Variants in CASK observed in about 807,000 individuals in gnomAD.
The protein encoded by CASK is calcium/calmodulin dependent serine protein kinase.
Under a neutral mutation model 82.9 loss-of-function variants are expected in CASK, and 4 were observed. The observed-to-expected ratio is 0.05, with a 90% CI of 0.02 to 0.11. The LOEUF is 0.11. CASK is among the 10% of genes least tolerant of loss of function. The pLI is 1.00. For missense variants in CASK, 358 were observed against 720.9 expected, an observed-to-expected ratio of 0.50 and a Z score of 5.76; for synonymous variants, 259 against 253.5, an observed-to-expected ratio of 1.02 and a Z score of -0.20.
At chrX:41,702,952 G>A (rs757483636) in intron 5 of CASK, among the ~76,000 whole-genome samples, 20 of 112,032 alleles carry the variant, frequency 1.8e-4, no homozygotes, top group Non-Finnish European at 3.6e-4. Flanking sequence ...TCAAATTAGA[G>A]CATCCTACCC....
At chrX:41,895,176 C>T (rs1441453351) in intron 1 of CASK, among the ~76,000 whole-genome samples, 2 of 111,296 alleles carry the variant, frequency 1.8e-5, no homozygotes, top group African/African-American at 3.3e-5. Flanking sequence ...GCTCTTAAAG[C>T]CAAATACTTT....
At chrX:41,542,119 T>A (rs7890618) in intron 22 of CASK, among the ~76,000 whole-genome samples, 2 of 112,466 alleles carry the variant, frequency 1.8e-5, no homozygotes, top group African/African-American at 6.5e-5. Flanking sequence ...AAGGCCAAGA[T>A]AAGATTCTTG....
At chrX:41,920,994 A>G (rs1456887189) in intron 1 of CASK, among the ~76,000 whole-genome samples, 1 of 112,168 alleles carries the variant, frequency 8.9e-6, no homozygotes, top group Non-Finnish European at 1.9e-5. Context: ...GGGTGCTCCT[A>G]AGAATGAGGA....
At chrX:41,732,217 T>C (rs1483002537) in intron 5 of CASK, among the ~76,000 whole-genome samples, 1 of 111,432 alleles carries the variant, frequency 9.0e-6, no homozygotes, top group Non-Finnish European at 1.9e-5. Flanking sequence ...GCCAACAAGA[T>C]TTTATCTTAA....
At chrX:41,711,578 C>T (rs1175019406) in intron 5 of CASK, among the ~76,000 whole-genome samples, 10 of 110,847 alleles carry the variant, frequency 9.0e-5, no homozygotes, top group Admixed American at 6.7e-4. Flanking sequence ...CTACATGTCC[C>T]GGGTAAATCC....
At chrX:41,780,530 G>A (rs1400217098) in intron 3 of CASK, among the ~76,000 whole-genome samples, 1 of 112,050 alleles carries the variant, frequency 8.9e-6, no homozygotes, top group Admixed American at 9.5e-5. Flanking sequence ...CCTAAAATTT[G>A]AAATTTACTA....
At chrX:41,842,833 T>G (rs1314985165) in intron 2 of CASK, among the ~76,000 whole-genome samples, 2 of 111,767 alleles carry the variant, frequency 1.8e-5, no homozygotes, top group Admixed American at 1.9e-4. Flanking sequence ...ACTTAGGACT[T>G]CCTTAATTTT....
intron 1 of CASK, among the ~76,000 whole-genome samples, chrX:41,854,958 T>C (rs747220081): frequency 2.7e-5 from 3 of 112,245 alleles, no homozygotes; most frequent in Non-Finnish European, 5.6e-5. Flanking sequence ...ATGCTTCATG[T>C]AATTGGTTTT....
intron 16 of CASK, among the ~76,000 whole-genome samples, chrX:41,564,444 C>T (rs2065279439): frequency 9.0e-6 from 1 of 111,499 alleles, no homozygotes; most frequent in Non-Finnish European, 1.9e-5. Flanking sequence ...ACTACAGCCT[C>T]GAACTCCTGG....
At chrX:41,784,943 A>G (rs761369183) in intron 3 of CASK, among the ~76,000 whole-genome samples, 2 of 110,585 alleles carry the variant, frequency 1.8e-5, no homozygotes, top group South Asian at 7.9e-4. Flanking sequence ...TCTCACAATA[A>G]AAGTTTTTAT....
rs2064545764 is a variant in CASK at position 41,516,099 on chromosome X, G to A, written c.*4321C>T. On this transcript the variant is annotated 3_prime_UTR_variant, in exon 27 of 27. Transcript: ENST00000378163. ...ACTTAGGAGTGCTGGCCCCAGAGAT[G>A]GTGCGGCCCTCTTTCTACTTCTGTT... 1 of 112,549 alleles carries A rather than the reference G, an allele frequency of 8.9e-6. No homozygotes were observed. The highest frequency in any genetic ancestry group is 1.9e-5 in the Non-Finnish European group (1 of 53,291). 9.3% of individuals were successfully genotyped at this position (112,549 alleles called of 1,213,427 possible). A position where few individuals can be genotyped will look rare whatever the true frequency, so the allele number is the denominator to read the frequency against.
chrX:41,613,276 G>A (rs1217075769), intron 11 of CASK, among the ~76,000 whole-genome samples: 5 of 107,636 alleles, frequency 4.6e-5, no homozygotes, highest in Non-Finnish European at 9.7e-5. Flanking sequence ...TTTTCATTTT[G>A]TTCTGTACTA....
intron 12 of CASK, among the ~76,000 whole-genome samples, chrX:41,597,283 A>G (rs895926043): frequency 8.9e-6 from 1 of 112,519 alleles, no homozygotes; most frequent in African/African-American, 3.2e-5. Flanking sequence ...AGACAAGTTG[A>G]TAACTTTTGC....
chrX:41,815,646 G>A lies in CASK; in HGVS notation c.173-28363C>T, dbSNP rs1377547336. Among the ~76,000 whole-genome samples the A allele has an allele frequency of 2.7e-5, 3 of 110,975 alleles. No homozygotes were observed. In the East Asian group the frequency reaches 8.5e-4, roughly 31 times the overall value. On this transcript the variant is annotated intron_variant, in intron 2 of 26. Coordinates refer to ENST00000378163, the MANE Select transcript of CASK (RefSeq NM_001367721.1). ...ATGACATGTGGGACAATATAAAGGGGTCTAACATACATGTAACTGGAGCCC... is the reference window on the plus strand; with the variant it reads ...ATGACATGTGGGACAATATAAAGGGATCTAACATACATGTAACTGGAGCCC...
At chrX:41,829,605 TG>T (rs1283105072) in intron 2 of CASK, among the ~76,000 whole-genome samples, 2 of 48,626 alleles carry the variant, frequency 4.1e-5, no homozygotes, top group Non-Finnish European at 7.9e-5. Context: ...TACATGTTTT[TG>T]TTTTTTTTTT....
Position 41,840,354 on chromosome X carries a change from T to C in CASK, c.172+12761A>G, listed in dbSNP as rs1014287713. 2.7e-5 allele frequency among the ~76,000 whole-genome samples: 3 copies of C among 112,531 alleles called. No homozygotes were observed. In the Admixed American group the frequency reaches 2.8e-4, roughly 11 times the overall value. On this transcript the variant is annotated intron_variant, in intron 2 of 26. Coordinates refer to ENST00000378163, the MANE Select transcript of CASK (RefSeq NM_001367721.1). ...TTTGGTGTTAATATAATGTGTTATA[T>C]TTTAAATTTCAAATTCCACTTGCAC...
chrX:41,848,231 T>G (rs1331099923), intron 2 of CASK, among the ~76,000 whole-genome samples: 3 of 111,732 alleles, frequency 2.7e-5, no homozygotes, highest in African/African-American at 9.8e-5. Context: ...AAAGATGGTA[T>G]TGCAAGAGGG....
intron 6 of CASK, among the ~76,000 whole-genome samples, chrX:41,668,353 G>C (rs1264800212): frequency 8.9e-6 from 1 of 111,964 alleles, no homozygotes; most frequent in Non-Finnish European, 1.9e-5. Context: ...ATAACAAAAG[G>C]CACTCCAACT....
chrX:41,903,659 T>C (rs1421356850), intron 1 of CASK, among the ~76,000 whole-genome samples: 1 of 111,583 alleles, frequency 9.0e-6, no homozygotes, highest in African/African-American at 3.3e-5. Flanking sequence ...CATAATCTGT[T>C]CTCCACTCCC....
Sources: allele counts gnomAD v4.1 joint callset (sites outside exome capture counted in the v4.1 genomes callset), GRCh38; gene constraint gnomAD v4.1.1; transcripts MANE v1.5; gene names NCBI Gene and HGNC (gene_info 2026-07-23, HGNC 2026-07-21).